The following TENM4 variants were observed in gnomAD, a reference collection of about 807,000 sequenced individuals.
TENM4 encodes teneurin-4.
In TENM4, 82 loss-of-function variants were observed where a neutral mutation model predicts 243.3. The observed-to-expected ratio is 0.34, with a 90% confidence interval of 0.28 to 0.40. The LOEUF (loss-of-function observed/expected upper bound fraction) is 0.40. Ranked by LOEUF, TENM4 falls within the 10% of genes least tolerant of loss-of-function variation. TENM4 has a pLI of 1.00. For missense variants in TENM4, 3,138 were observed against 3,673.3 expected (o/e 0.85, Z 3.77); for synonymous variants, 1,412 against 1,456.3 (o/e 0.97, Z 0.69).
intron 4 of TENM4, among the ~76,000 whole-genome samples, chr11:79,140,428 C>T (rs1242547405): frequency 6.6e-6 from 1 of 152,048 alleles, no homozygotes; most frequent in Non-Finnish European, 1.5e-5. Flanking sequence ...AAGTAGATAT[C>T]CCATGTGTTT....
At chr11:78,869,148 G>C (rs1241645415) in intron 9 of TENM4, among the ~76,000 whole-genome samples, 1 of 151,912 alleles carries the variant, frequency 6.6e-6, no homozygotes, top group Non-Finnish European at 1.5e-5. Flanking sequence ...AAAATTGGAA[G>C]CAAACTCGAT....
chr11:78,762,901 T>C (rs569935699), intron 18 of TENM4, among the ~76,000 whole-genome samples: 2 of 152,334 alleles, frequency 1.3e-5, no homozygotes, highest in East Asian at 3.9e-4. Context: ...AAGCGTGCTG[T>C]AGGGACAGAA....
chr11:78,908,615 C>T (rs531832844), intron 6 of TENM4, among the ~76,000 whole-genome samples: 4 of 152,308 alleles, frequency 2.6e-5, no homozygotes, highest in South Asian at 4.1e-4. Context: ...GAGCTCTAGT[C>T]GCAGGAGGGT....
intron 1 of TENM4, among the ~76,000 whole-genome samples, chr11:79,387,631 TCCCTTCCCTA>T (rs56230845): frequency 0.34 from 47,963 of 140,084 alleles, 7,506 homozygotes; most frequent in East Asian, 0.39. Context: ...TCCCTTCCCT[TCCCTTCCCTA>T]CCCTATTGAA....
chr11:78,889,620 T>C (rs1855617476), intron 9 of TENM4, among the ~76,000 whole-genome samples, 165 bp downstream of exon 9: 1 of 152,228 alleles, frequency 6.6e-6, no homozygotes, highest in African/African-American at 2.4e-5. Flanking sequence ...GAGCTGCCCT[T>C]GCAGTGTCAG....
intron 12 of TENM4, among the ~76,000 whole-genome samples, chr11:78,831,041 G>T (rs1162695611): frequency 6.6e-6 from 1 of 152,164 alleles, no homozygotes; most frequent in Admixed American, 6.5e-5. Flanking sequence ...AGCATTAAAA[G>T]TTAGGTATGG....
At chr11:79,255,113 T>G (rs1210465747) in intron 2 of TENM4, among the ~76,000 whole-genome samples, 1 of 152,182 alleles carries the variant, frequency 6.6e-6, no homozygotes, top group Non-Finnish European at 1.5e-5. Flanking sequence ...ACCGCAGAAT[T>G]GGGGGCGTGG....
At chr11:78,869,416 A>G (rs1442781474) in intron 9 of TENM4, among the ~76,000 whole-genome samples, 1 of 152,238 alleles carries the variant, frequency 6.6e-6, no homozygotes, top group Non-Finnish European at 1.5e-5. Context: ...ACAGCAGACG[A>G]TTATTTCCTA....
chr11:78,981,012 C>T (rs1857780005), intron 6 of TENM4, among the ~76,000 whole-genome samples: 1 of 152,136 alleles, frequency 6.6e-6, no homozygotes, highest in Non-Finnish European at 1.5e-5. Context: ...GACTGATTTC[C>T]AAATCTATGT....
chr11:78,976,508 C>T (rs563913685), intron 6 of TENM4, among the ~76,000 whole-genome samples: 19 of 152,180 alleles, frequency 1.2e-4, no homozygotes, highest in African/African-American at 3.1e-4. Context: ...TGCCCTGATT[C>T]GAAACAGCTT....
chr11:79,325,658 CA>C (rs1856962459), intron 1 of TENM4, among the ~76,000 whole-genome samples: 2 of 152,232 alleles, frequency 1.3e-5, no homozygotes, highest in African/African-American at 4.8e-5. Context: ...TTATTATGAG[CA>C]AAGGCTCACT....
chr11:79,423,090 C>T (rs1241661827), intron 1 of TENM4, among the ~76,000 whole-genome samples: 1 of 152,112 alleles, frequency 6.6e-6, no homozygotes, highest in Non-Finnish European at 1.5e-5. Flanking sequence ...ACCCAATCCC[C>T]CAAGGAGTCC....
intron 9 of TENM4, among the ~76,000 whole-genome samples, chr11:78,883,219 A>G (rs371238712): frequency 2.0e-5 from 3 of 152,360 alleles, no homozygotes; most frequent in South Asian, 4.1e-4. Context: ...AACCTGCACA[A>G]CAGCCTTATG....
intron 4 of TENM4, among the ~76,000 whole-genome samples, chr11:79,075,091 A>G (rs1860506826): frequency 6.6e-6 from 1 of 152,188 alleles, no homozygotes; most frequent in Admixed American, 6.5e-5. Flanking sequence ...CATCATCGTC[A>G]TTGAACTAAT....
At chr11:79,217,808 C>T (rs545870344) in intron 2 of TENM4, among the ~76,000 whole-genome samples, 86 of 152,062 alleles carry the variant, frequency 5.7e-4, no homozygotes, top group Non-Finnish European at 1.0e-3. Flanking sequence ...CTGCAACCTC[C>T]GCCTCCCAGG....
intron 2 of TENM4, among the ~76,000 whole-genome samples, chr11:79,289,584 G>A (rs897469611): frequency 2.0e-5 from 3 of 152,220 alleles, no homozygotes; most frequent in African/African-American, 7.2e-5. Flanking sequence ...TTTTTGCTGT[G>A]ATTGCTTTGC....
At chr11:78,685,668 T>C (rs974156237) in intron 29 of TENM4, among the ~76,000 whole-genome samples, 20 of 152,186 alleles carry the variant, frequency 1.3e-4, no homozygotes, top group African/African-American at 4.6e-4. Context: ...ACATGAACCT[T>C]TGAGAAAAAT....
In TENM4 at chr11:78,844,959, G is replaced by A. The variant is rs76156008; in HGVS notation, c.1681+9145C>T. ...TTTTTCTTTCTGGATTCCCACTTCT[G>A]CTCTGGCCCCAAGTTGTTAATAATT... On this transcript the variant is annotated intron_variant, in intron 12 of 33. Transcript: ENST00000278550. Among the ~76,000 whole-genome samples the A allele has an allele frequency of 7.9e-3, 1,198 of 152,146 alleles. 15 individuals carry two copies. Among genetic ancestry groups the A allele is most frequent in the African/African-American group, 0.027 (1,136 of 41,482 alleles).
At chr11:79,240,036 G>A (rs572777792) in intron 2 of TENM4, among the ~76,000 whole-genome samples, 6 of 152,264 alleles carry the variant, frequency 3.9e-5, no homozygotes, top group Middle Eastern at 3.4e-3. Flanking sequence ...GAAAACTATG[G>A]TGGTAAAGTG....
Sources: allele counts gnomAD v4.1 joint callset (sites outside exome capture counted in the v4.1 genomes callset), GRCh38; gene constraint gnomAD v4.1.1; transcripts MANE v1.5; gene names NCBI Gene and HGNC (gene_info 2026-07-23, HGNC 2026-07-21).